Variants in LCA5 observed in about 807,000 individuals in gnomAD.
The protein encoded by LCA5 is lebercilin LCA5.
LCA5 carries 37 observed loss-of-function variants against 53.0 expected under a neutral mutation model. The ratio of observed to expected loss-of-function variants is 0.70; its 90% CI spans 0.54 to 0.92. LCA5 has a LOEUF of 0.92. LCA5 is among the 40% of genes least tolerant of loss of function. The pLI is 0.00. For missense variants in LCA5, 806 were observed against 790.5 expected, an observed-to-expected ratio of 1.02 and a Z score of -0.23; for synonymous variants, 303 against 282.9, an observed-to-expected ratio of 1.07 and a Z score of -0.71.
intron 1 of LCA5, among the ~76,000 whole-genome samples, chr6:79,521,725 G>C (rs535157479): frequency 6.2e-4 from 95 of 152,228 alleles, no homozygotes; most frequent in Admixed American, 1.4e-3. Flanking sequence ...AACATTCCTA[G>C]AACCCAGATC....
chr6:79,532,194 T>C (rs1766978975), intron 1 of LCA5, among the ~76,000 whole-genome samples: 2 of 152,178 alleles, frequency 1.3e-5, no homozygotes, highest in South Asian at 4.1e-4. Context: ...TTAATCTCCA[T>C]ACTATATTCC....
At chr6:79,534,944 C>T (rs1044974054) in intron 1 of LCA5, among the ~76,000 whole-genome samples, 4 of 152,050 alleles carry the variant, frequency 2.6e-5, no homozygotes, top group Admixed American at 6.6e-5. Flanking sequence ...TTGGCATATG[C>T]GGCAAGTGTA....
chr6:79,533,740 T>G (rs1387661558), intron 1 of LCA5, among the ~76,000 whole-genome samples: 1 of 151,870 alleles, frequency 6.6e-6, no homozygotes, highest in Non-Finnish European at 1.5e-5. Flanking sequence ...GAGTCCATTG[T>G]ATATAAATAT....
intron 3 of LCA5, among the ~76,000 whole-genome samples, chr6:79,508,339 T>G (rs1264266738): frequency 6.6e-6 from 1 of 152,176 alleles, no homozygotes; most frequent in East Asian, 1.9e-4. Context: ...GTTCGTAAAT[T>G]ACTAAGATTC....
chr6:79,521,516 G>A (rs1766624157), intron 1 of LCA5, among the ~76,000 whole-genome samples: 1 of 152,136 alleles, frequency 6.6e-6, no homozygotes, highest in African/African-American at 2.4e-5. Flanking sequence ...AAACAAATGA[G>A]TAATTATTAT....
intron 3 of LCA5, among the ~76,000 whole-genome samples, chr6:79,501,471 C>T (rs1249293047): frequency 1.3e-5 from 2 of 151,996 alleles, no homozygotes; most frequent in Non-Finnish European, 2.9e-5. Context: ...ACCTAGAAAC[C>T]TTCTCTCCAA....
At chr6:79,501,257 T>G (rs947657012) in intron 3 of LCA5, among the ~76,000 whole-genome samples, 1 of 152,108 alleles carries the variant, frequency 6.6e-6, no homozygotes, top group African/African-American at 2.4e-5. Context: ...TCCATCAAAT[T>G]CGTTGGGCCT....
chr6:79,524,573 T>C (rs904287073), intron 1 of LCA5, among the ~76,000 whole-genome samples: 45 of 152,210 alleles, frequency 3.0e-4, no homozygotes, highest in African/African-American at 1.1e-3. Context: ...AGTCACTCTT[T>C]TATTCAAAAT....
At chr6:79,497,956 CA>C (rs34167121) in intron 3 of LCA5, among the ~76,000 whole-genome samples, 21,031 of 92,484 alleles carry the variant, frequency 0.23, 1,254 homozygotes, top group East Asian at 0.3. Flanking sequence ...GACTCCATCT[CA>C]AAAAAAAAAA....
chr6:79,516,850 C>A (rs1414004427), intron 2 of LCA5, among the ~76,000 whole-genome samples: 1 of 150,146 alleles, frequency 6.7e-6, no homozygotes. Context: ...TATGCATCCA[C>A]CAAAAAAATC....
In LCA5 at chr6:79,487,281, T is replaced by C; in HGVS notation, c.1817A>G (p.Glu606Gly). Residue 606 changes from glutamate (E) to glycine (G), a missense_variant, in exon 8 of 8, where the codon GAA (glutamate) becomes GGA (glycine). Glu to Gly is a moderately conservative substitution (Grantham distance 98, BLOSUM62 -2). Coordinates refer to ENST00000369846, the MANE Select transcript of LCA5 (RefSeq NM_001122769.3). ...GCTACCACTGGCACCAAATAACTGT[T>C]CCATCAAATTAGCTTTTTTCTCTTT... Reference protein sequence around the residue: ...TRKEKKANLMEQLFGASGSST... With the variant: ...TRKEKKANLMGQLFGASGSST... 1.2e-6 allele frequency: 2 copies of C among 1,614,084 alleles called. No individual in the cohort carries two copies.
chr6:79,519,045 C>A lies in LCA5; in HGVS notation c.-151G>T. On this transcript the variant is annotated 5_prime_UTR_variant, in exon 2 of 8. Transcript: ENST00000369846. ...ATTTTCTCCACAATGTATTTGTAGACCACAATTCACATTGGCATCCAGAAG... is the reference window on the plus strand; with the variant it reads ...ATTTTCTCCACAATGTATTTGTAGAACACAATTCACATTGGCATCCAGAAG... 1.2e-6 allele frequency: 1 copy of A among 848,066 alleles called. No individual in the cohort carries two copies. The highest frequency in any genetic ancestry group is 1.5e-5 in the South Asian group (1 of 68,040). The allele number at this position is 848,066 out of a possible 1,614,324, so 52.5% of individuals were successfully genotyped here. A position where few individuals can be genotyped will look rare whatever the true frequency, so the allele number is the denominator to read the frequency against.
intron 3 of LCA5, among the ~76,000 whole-genome samples, chr6:79,510,843 A>C (rs1053067880): frequency 6.6e-6 from 1 of 152,172 alleles, no homozygotes; most frequent in African/African-American, 2.4e-5. Context: ...CATTAGGGAA[A>C]GGCAAATTAA....
At chr6:79,503,203 G>A (rs1316775087) in intron 3 of LCA5, among the ~76,000 whole-genome samples, 5 of 152,122 alleles carry the variant, frequency 3.3e-5, no homozygotes, top group African/African-American at 4.8e-5. Flanking sequence ...GATTCTATGT[G>A]ACCTAGAAGA....
rs1305999414 is a variant in LCA5, at chr6:79,487,577, T to C, written c.1521A>G (p.Lys507=). The change falls in exon 8 of 8, where the codon AAA becomes AAG. Residue 507 remains lysine (K), a synonymous_variant. Transcript: ENST00000369846. Reference sequence around the variant, plus strand: ...CTGAGGATTCAGAGAACCTGTATGTTTTGGGGCTTCTCTCTGGGGAGTGTA... The same window carrying C: ...CTGAGGATTCAGAGAACCTGTATGTCTTGGGGCTTCTCTCTGGGGAGTGTA... The part of the protein sequence containing the change: ...SKLHSPERSP[K]TYRFSESSER... The C allele has an allele frequency of 1.2e-6, 2 of 1,613,848 alleles. No individual in the cohort carries two copies. The highest frequency in any genetic ancestry group is 1.7e-6 in the Non-Finnish European group (2 of 1,179,882).
At chr6:79,509,361 G>A (rs1455767814) in intron 3 of LCA5, among the ~76,000 whole-genome samples, 2 of 151,690 alleles carry the variant, frequency 1.3e-5, no homozygotes, top group African/African-American at 4.8e-5. Flanking sequence ...GGCTGAGGCA[G>A]GAGAATCGCT....
In LCA5 at chr6:79,485,039, A is replaced by G. The variant is rs1769605983; in HGVS notation, c.*1965T>C. On this transcript the variant is annotated 3_prime_UTR_variant, in exon 8 of 8. Transcript: ENST00000369846. ...ACAGTTCTGAGTACAAATAAATTTA[A>G]TGACATTTAGAAAAAAAAACAATTT... The G allele has an allele frequency of 6.6e-6, 1 of 152,474 alleles. No individual in the cohort carries two copies. Among genetic ancestry groups the G allele is most frequent in the Non-Finnish European group, 1.5e-5 (1 of 67,978 alleles). 9.4% of individuals were successfully genotyped at this position (152,474 alleles called of 1,614,324 possible). A position where few individuals can be genotyped will look rare whatever the true frequency, so the allele number is the denominator to read the frequency against.
chr6:79,493,921 G>A (rs1769910712), intron 3 of LCA5, among the ~76,000 whole-genome samples, 171 bp from the exon 4 acceptor site: 1 of 152,164 alleles, frequency 6.6e-6, no homozygotes, highest in Non-Finnish European at 1.5e-5. Flanking sequence ...CAACAATTTA[G>A]TAAGGTATCA....
intron 3 of LCA5, among the ~76,000 whole-genome samples, chr6:79,504,085 A>AT (rs1770214579): frequency 6.6e-6 from 1 of 152,206 alleles, no homozygotes. Flanking sequence ...GGCCAATTTA[A>AT]TCCTCCCAAA....
Sources: gnomAD v4.1 joint callset for allele counts (sites outside exome capture counted in the v4.1 genomes callset) on GRCh38, gnomAD v4.1.1 for gene constraint, MANE v1.5 for transcripts, NCBI Gene and HGNC (gene_info 2026-07-23, HGNC 2026-07-21) for gene names.